WDR76: variants seen among roughly 807,000 people sequenced by gnomAD.
WDR76 encodes the protein WD repeat-containing protein 76.
Under a neutral mutation model 70.2 loss-of-function variants are expected in WDR76, and 52 were observed. The observed-to-expected ratio is 0.74, with a 90% CI of 0.59 to 0.93. The LOEUF (loss-of-function observed/expected upper bound fraction) is 0.93. Ranked by LOEUF, WDR76 falls within the 40% of genes least tolerant of loss-of-function variation. WDR76 has a pLI of 0.00. For synonymous variants in WDR76, 292 were observed against 271.1 expected, an observed-to-expected ratio of 1.08 and a Z score of -0.76; for missense variants, 756 against 760.2, an observed-to-expected ratio of 0.99 and a Z score of 0.07.
intron 11 of WDR76, among the ~76,000 whole-genome samples, chr15:43,859,992 T>C (rs1486052209): frequency 6.6e-6 from 1 of 152,226 alleles, no homozygotes; most frequent in Non-Finnish European, 1.5e-5. Context: ...GGCTTAGGCC[T>C]ATAATCCCAG....
At chr15:43,859,483 T>C (rs1277612079) in intron 11 of WDR76, among the ~76,000 whole-genome samples, 1 of 152,236 alleles carries the variant, frequency 6.6e-6, no homozygotes, top group African/African-American at 2.4e-5. Flanking sequence ...GAGTTTTACC[T>C]TAAGTGATTT....
chr15:43,834,029 A>G (rs1046014717), intron 2 of WDR76, among the ~76,000 whole-genome samples: 1 of 151,994 alleles, frequency 6.6e-6, no homozygotes, highest in Admixed American at 6.6e-5. Flanking sequence ...AAGACTGAGT[A>G]TTTTTTTGTC....
At chr15:43,836,504 C>G (rs1214244838) in intron 4 of WDR76, among the ~76,000 whole-genome samples, 2 of 152,152 alleles carry the variant, frequency 1.3e-5, no homozygotes, top group African/African-American at 4.8e-5. Flanking sequence ...ACTTAGAAAA[C>G]TATTAAAGAT....
intron 4 of WDR76, among the ~76,000 whole-genome samples, chr15:43,837,058 A>C (rs895944288): frequency 2.0e-5 from 3 of 149,572 alleles, no homozygotes; most frequent in Non-Finnish European, 4.5e-5. Context: ...AAAAAAAAAC[A>C]AAAAAAAACA....
At position 43,828,286 on chromosome 15, in the gene WDR76, A is replaced by G; in HGVS notation, c.382A>G (p.Thr128Ala). The G allele has an allele frequency of 6.2e-7, 1 of 1,614,186 alleles. No homozygotes were observed. Among genetic ancestry groups the G allele is most frequent in the South Asian group, 1.1e-5 (1 of 91,076 alleles). The change falls in exon 2 of 13, where the codon ACG becomes GCG. Residue 128 changes from threonine (T) to alanine (A), a missense_variant. Physicochemically the swap from Thr to Ala is moderately conservative, Grantham distance 58. Transcript: ENST00000263795. ...TESNKLQPKR[T>A]ADAMNLSVDV... ...AAGTAACAAGCTACAACCCAAGAGA[A>G]CGGCAGATGCGATGAATCTCAGTGT...
intron 1 of WDR76, 172 bp downstream of exon 1, chr15:43,827,264 A>T: frequency 1.4e-6 from 1 of 720,552 alleles, no homozygotes; most frequent in Middle Eastern, 2.7e-4. Flanking sequence ...CCCGAGAAAT[A>T]GTGGGAGAGT....
chr15:43,831,605 A>G (rs551213650), intron 2 of WDR76, among the ~76,000 whole-genome samples: 3 of 151,938 alleles, frequency 2.0e-5, no homozygotes, highest in South Asian at 2.1e-4. Flanking sequence ...TGCCTAGCTA[A>G]TTTTTTGTAT....
intron 9 of WDR76, among the ~76,000 whole-genome samples, 192 bp downstream of exon 9, chr15:43,851,437 G>A (rs572042668): frequency 6.6e-6 from 1 of 152,296 alleles, no homozygotes; most frequent in South Asian, 2.1e-4. Flanking sequence ...TAACCTTGTT[G>A]TGCCTCACTT....
intron 5 of WDR76, among the ~76,000 whole-genome samples, chr15:43,841,113 C>T (rs565241205): frequency 2.6e-5 from 4 of 151,204 alleles, no homozygotes; most frequent in South Asian, 2.1e-4. Flanking sequence ...CTCCGCCTCC[C>T]GGGTTCAAGT....
chr15:43,857,089 TTC>T lies in WDR76; in HGVS notation c.1337_1338del (p.Ser446PhefsTer15). 6.2e-7 allele frequency: 1 copy of T among 1,614,136 alleles called. No homozygotes were observed. The highest frequency in any genetic ancestry group is 1.3e-5 in the African/African-American group (1 of 75,048). ...PGTSYEKLTSSSMGKIRTVHV... is the reference protein window; with the variant it reads ...PGTSYEKLTSXSMGKIRTVHV... ...GAACTTCTTATGAGAAACTTACCAG[TTC>T]TTCTATGGGAAAAATAAGAACTGTT... On this transcript the variant is annotated frameshift_variant, in exon 10 of 13. Coordinates refer to ENST00000263795, the MANE Select transcript of WDR76 (RefSeq NM_024908.4). LOFTEE classifies it high-confidence loss of function.
intron 1 of WDR76, 91 bp downstream of exon 1, chr15:43,827,183 C>T: frequency 1.3e-6 from 2 of 1,555,726 alleles, no homozygotes; most frequent in Non-Finnish European, 1.8e-6. Flanking sequence ...TCGAGGGCAC[C>T]TGGCACCGGG....
chr15:43,857,280 C>T (rs1249771512), intron 10 of WDR76, 117 bp downstream of exon 10: 10 of 1,128,506 alleles, frequency 8.9e-6, no homozygotes, highest in Non-Finnish European at 1.1e-5. Flanking sequence ...TTTTGTAATA[C>T]CCAAAGGCCA....
chr15:43,865,102 A>T (rs1359215736), intron 12 of WDR76, among the ~76,000 whole-genome samples: 30 of 136,446 alleles, frequency 2.2e-4, no homozygotes, highest in East Asian at 1.5e-3. Flanking sequence ...TTGTATTTTT[A>T]TTTTTTTTTT....
chr15:43,853,382 T>C (rs544448256), intron 9 of WDR76, among the ~76,000 whole-genome samples: 1 of 147,732 alleles, frequency 6.8e-6, no homozygotes, highest in East Asian at 2.1e-4. Flanking sequence ...GTAGAGACGG[T>C]GTTTTGCCAT....
intron 8 of WDR76, among the ~76,000 whole-genome samples, chr15:43,845,780 G>C (rs549435266): frequency 9.3e-5 from 14 of 150,416 alleles, no homozygotes; most frequent in Non-Finnish European, 1.5e-4. Context: ...ATTGAGAAAA[G>C]TCAAGTTAAT....
rs77403686 is a variant in WDR76, at chr15:43,829,445, C to A, written c.462+1079C>A. On this transcript the variant is annotated intron_variant, in intron 2 of 12. Coordinates refer to ENST00000263795, the MANE Select transcript of WDR76 (RefSeq NM_024908.4). The stretch of plus-strand genomic sequence containing the variant: ...AGAACCAGGACTCATAGTGGGACAG[C>A]ATGGGGTAAGTATTAAATGAATTGG... Among the ~76,000 whole-genome samples the A allele has an allele frequency of 2.6e-3, 391 of 150,222 alleles. 8 individuals carry two copies. In the East Asian group the frequency reaches 0.055, roughly 21 times the overall value.
chr15:43,852,784 A>G (rs1165795457), intron 9 of WDR76, among the ~76,000 whole-genome samples: 1 of 152,246 alleles, frequency 6.6e-6, no homozygotes, highest in Non-Finnish European at 1.5e-5. Context: ...GCCGTGTATC[A>G]GTACTTCATT....
At chr15:43,861,472 A>T in intron 12 of WDR76, 86 bp downstream of exon 12, 2 of 1,272,452 alleles carry the variant, frequency 1.6e-6, no homozygotes, top group Non-Finnish European at 2.3e-6. Flanking sequence ...TGATTGTCAA[A>T]GAGATGTAAT....
chr15:43,863,045 C>T (rs1238689787), intron 12 of WDR76, among the ~76,000 whole-genome samples: 1 of 152,164 alleles, frequency 6.6e-6, no homozygotes, highest in Non-Finnish European at 1.5e-5. Flanking sequence ...AGGCGATTCT[C>T]CTGCCTCAAC....
Sources: gnomAD v4.1 joint callset for allele counts (sites outside exome capture counted in the v4.1 genomes callset) on GRCh38, gnomAD v4.1.1 for gene constraint, MANE v1.5 for transcripts, NCBI Gene and HGNC (gene_info 2026-07-23, HGNC 2026-07-21) for gene names.